CCDC73: variants seen among roughly 807,000 people sequenced by gnomAD.
The protein encoded by CCDC73 is coiled-coil domain-containing protein 73.
CCDC73 carries 95 observed loss-of-function variants against 116.5 expected under a neutral mutation model. The ratio of observed to expected loss-of-function variants is 0.82; its 90% CI spans 0.69 to 0.97. The LOEUF is 0.97. CCDC73 is among the 50% of genes least tolerant of loss of function. CCDC73 has a pLI of 0.00. For missense variants in CCDC73, 1,066 were observed against 1,206.8 expected, an observed-to-expected ratio of 0.88 and a Z score of 1.73; for synonymous variants, 398 against 401.3, an observed-to-expected ratio of 0.99 and a Z score of 0.10.
chr11:32,739,723 T>G lies in CCDC73; in HGVS notation c.135+20386A>C, dbSNP rs994270955. Among the ~76,000 whole-genome samples, 4 of 152,158 alleles carry G rather than the reference T, an allele frequency of 2.6e-5. No homozygotes were observed. The East Asian group carries it at 7.7e-4, about 29-fold the overall frequency. On this transcript the variant is annotated intron_variant, in intron 2 of 17. Transcript: ENST00000335185. ...TGATTGCTCTAGCTAGGGCTTCCAG[T>G]ATTATGTTGAATAACAGTGGGCATC...
chr11:32,823,765 G>T, the CCDC73 span, among the ~76,000 whole-genome samples: 17 of 152,122 alleles, frequency 1.1e-4, no homozygotes, highest in African/African-American at 4.1e-4. Context: ...TTTTAAACAG[G>T]ATGTTGCTCT....
At chr11:32,819,567 A>G in the CCDC73 span, among the ~76,000 whole-genome samples, 1 of 152,008 alleles carries the variant, frequency 6.6e-6, no homozygotes, top group South Asian at 2.1e-4. Context: ...GACTCAAACA[A>G]TCCTCCCATC....
chr11:32,798,605 CTTA>C (rs1467192402), upstream of CCDC73, among the ~76,000 whole-genome samples: 1 of 152,190 alleles, frequency 6.6e-6, no homozygotes, highest in Non-Finnish European at 1.5e-5. Flanking sequence ...TGTGCCCCAT[CTTA>C]TTATTCGTTA....
Position 32,766,228 on chromosome 11 carries a change from G to C in CCDC73, c.-15-5970C>G, listed in dbSNP as rs575866235. 1.0e-3 allele frequency among the ~76,000 whole-genome samples: 152 copies of C among 152,288 alleles called. 2 individuals are homozygous for C. Among genetic ancestry groups the C allele is most frequent in the African/African-American group, 3.6e-3 (149 of 41,550 alleles). On this transcript the variant is annotated intron_variant, in intron 1 of 17. Transcript: ENST00000335185. ...AAACCACATGATTATCTCAATAGAT[G>C]CAGAAAAGGCCTGTGACAAAATTCA... is the stretch of plus-strand genomic sequence containing the variant.
chr11:32,825,385 C>A, the CCDC73 span, among the ~76,000 whole-genome samples: 2 of 150,166 alleles, frequency 1.3e-5, no homozygotes, highest in East Asian at 2.0e-4. Context: ...TCATCGCAAC[C>A]TCCACCTTCT....
the CCDC73 span, among the ~76,000 whole-genome samples, chr11:32,825,936 C>G: frequency 6.6e-6 from 1 of 152,160 alleles, no homozygotes; most frequent in Non-Finnish European, 1.5e-5. Flanking sequence ...CTCCGGTGCG[C>G]TCTAAGAGCT....
the CCDC73 span, among the ~76,000 whole-genome samples, chr11:32,829,103 A>C: frequency 6.6e-6 from 1 of 152,242 alleles, no homozygotes; most frequent in African/African-American, 2.4e-5. Flanking sequence ...CCTACTCTGA[A>C]AAAGAAAAAA....
At chr11:32,739,047 T>C (rs1208609769) in intron 2 of CCDC73, among the ~76,000 whole-genome samples, 1 of 152,164 alleles carries the variant, frequency 6.6e-6, no homozygotes, top group Non-Finnish European at 1.5e-5. Context: ...GTTGCATTGG[T>C]CTATGTGTTT....
At chr11:32,680,377 A>C (rs1392700982) in intron 7 of CCDC73, 1 of 152,104 alleles carries the variant, frequency 6.6e-6, no homozygotes, top group Non-Finnish European at 1.5e-5. Flanking sequence ...ATCGACTCAA[A>C]TTATTTTTTC....
chr11:32,726,564 T>C (rs987199251), intron 2 of CCDC73, among the ~76,000 whole-genome samples: 16 of 152,096 alleles, frequency 1.1e-4, no homozygotes, highest in Non-Finnish European at 1.9e-4. Flanking sequence ...TAGAAGATTT[T>C]AACAAGATTG....
At chr11:32,615,868 A>T (rs760633040) in intron 15 of CCDC73, 72 bp downstream of exon 15, 25 of 1,327,038 alleles carry the variant, frequency 1.9e-5, no homozygotes, top group African/African-American at 3.0e-5. Context: ...GGCAGAATGT[A>T]ATTTTCCCAA....
the CCDC73 span, among the ~76,000 whole-genome samples, chr11:32,822,692 A>C: frequency 1.3e-5 from 2 of 152,114 alleles, no homozygotes; most frequent in Non-Finnish European, 2.9e-5. Flanking sequence ...CGTCTTAGGG[A>C]AAGAAAACAA....
chr11:32,659,704 A>G (rs1855904997), intron 9 of CCDC73, among the ~76,000 whole-genome samples: 1 of 152,190 alleles, frequency 6.6e-6, no homozygotes, highest in Non-Finnish European at 1.5e-5. Flanking sequence ...AACCATAACT[A>G]AACCACAAAA....
intron 12 of CCDC73, among the ~76,000 whole-genome samples, chr11:32,642,868 T>C (rs1855745540): frequency 6.6e-6 from 1 of 151,888 alleles, no homozygotes; most frequent in Non-Finnish European, 1.5e-5. Flanking sequence ...AAAAGGATTT[T>C]TTTTTTTAAA....
chr11:32,670,139 T>A (rs886418818), intron 9 of CCDC73, among the ~76,000 whole-genome samples: 4 of 152,208 alleles, frequency 2.6e-5, no homozygotes, highest in Non-Finnish European at 4.4e-5. Flanking sequence ...AAACCAGCAA[T>A]AATTCCTTGC....
chr11:32,662,618 T>G (rs1182088641), intron 9 of CCDC73, among the ~76,000 whole-genome samples: 1 of 152,260 alleles, frequency 6.6e-6, no homozygotes, highest in Admixed American at 6.5e-5. Context: ...TTGCAAAATT[T>G]TTTTCCCATT....
the CCDC73 span, among the ~76,000 whole-genome samples, chr11:32,829,585 A>C: frequency 1.1e-3 from 163 of 152,348 alleles, 2 homozygotes; most frequent in East Asian, 3.9e-4. Context: ...TAAGGTAACC[A>C]CAGGACTCCT....
At chr11:32,654,363 G>A (rs924583892) in intron 10 of CCDC73, among the ~76,000 whole-genome samples, 17 of 152,074 alleles carry the variant, frequency 1.1e-4, no homozygotes, top group Admixed American at 3.3e-4. Flanking sequence ...TAGTGGAGAC[G>A]AGGTTTCATC....
intron 1 of CCDC73, among the ~76,000 whole-genome samples, chr11:32,778,924 A>T (rs1850559480): frequency 1.3e-5 from 2 of 152,196 alleles, no homozygotes; most frequent in African/African-American, 2.4e-5. Context: ...AAACTTTAAA[A>T]ATGTATAACT....
Sources: gnomAD v4.1 joint callset for allele counts (sites outside exome capture counted in the v4.1 genomes callset) on GRCh38, gnomAD v4.1.1 for gene constraint, MANE v1.5 for transcripts, NCBI Gene and HGNC (gene_info 2026-07-23, HGNC 2026-07-21) for gene names.